The following TBC1D4 variants were observed in gnomAD, a reference collection of about 807,000 sequenced individuals.
TBC1D4 encodes the protein TBC (Tre-2, BUB2, CDC16) domain-containing protein.
TBC1D4 carries 121 observed loss-of-function variants against 142.5 expected under a neutral mutation model. The observed-to-expected ratio is 0.85, with a 90% confidence interval of 0.73 to 0.99. The LOEUF is 0.99. Among genes scored for constraint, TBC1D4 ranks in the 50% least tolerant of loss-of-function variants. The probability of loss-of-function intolerance (pLI) is 0.00; values close to 1 mark genes in which losing one functional copy is unlikely to be tolerated. For synonymous variants in TBC1D4, 630 were observed against 628.2 expected (o/e 1.00, Z -0.04); for missense variants, 1,475 against 1,606.6 (o/e 0.92, Z 1.40).
At chr13:75,460,154 TAAAAAAAAAA>T (rs71756436) in intron 1 of TBC1D4, among the ~76,000 whole-genome samples, 4,314 of 149,544 alleles carry the variant, frequency 0.029, 210 homozygotes, top group East Asian at 0.23. Flanking sequence ...AAAATAAAAA[TAAAAAAAAAA>T]AATAATAATA....
intron 1 of TBC1D4, among the ~76,000 whole-genome samples, chr13:75,447,584 G>A (rs555622675): frequency 3.3e-5 from 5 of 149,674 alleles, no homozygotes; most frequent in South Asian, 2.1e-4. Flanking sequence ...ACACATATAC[G>A]TATACTTTAT....
At chr13:75,290,510 C>A (rs1395603248) in intron 19 of TBC1D4, among the ~76,000 whole-genome samples, 1 of 152,098 alleles carries the variant, frequency 6.6e-6, no homozygotes, top group African/African-American at 2.4e-5. Context: ...GATTTCAAAT[C>A]TCTAAAAGCA....
chr13:75,399,617 G>A (rs897487763), intron 1 of TBC1D4, among the ~76,000 whole-genome samples: 6 of 152,162 alleles, frequency 3.9e-5, no homozygotes, highest in Non-Finnish European at 5.9e-5. Context: ...TGAGACTGCT[G>A]GGCATCTTGG....
chr13:75,364,743 T>C (rs1192609460), intron 1 of TBC1D4, among the ~76,000 whole-genome samples: 1 of 152,220 alleles, frequency 6.6e-6, no homozygotes, highest in Non-Finnish European at 1.5e-5. Flanking sequence ...TACTAAATAT[T>C]TTTAATCTGA....
chr13:75,301,222 T>C (rs1056787332), intron 16 of TBC1D4, among the ~76,000 whole-genome samples: 1 of 152,144 alleles, frequency 6.6e-6, no homozygotes, highest in Non-Finnish European at 1.5e-5. Context: ...TGCCAATATA[T>C]AATATTTAAT....
intron 1 of TBC1D4, among the ~76,000 whole-genome samples, chr13:75,365,199 A>C (rs1882834402): frequency 6.6e-6 from 1 of 152,220 alleles, no homozygotes; most frequent in South Asian, 2.1e-4. Context: ...AATCTTTAAT[A>C]ATTTAAGATG....
intron 15 of TBC1D4, among the ~76,000 whole-genome samples, chr13:75,305,851 C>G (rs1182674503): frequency 9.2e-5 from 14 of 151,984 alleles, no homozygotes; most frequent in Admixed American, 9.2e-4. Flanking sequence ...TAAATAAAAG[C>G]AACTTCTCCA....
chr13:75,380,369 AG>A (rs765403028), intron 1 of TBC1D4, among the ~76,000 whole-genome samples: 36 of 152,002 alleles, frequency 2.4e-4, no homozygotes, highest in Non-Finnish European at 5.2e-4. Flanking sequence ...GCTACTCGGG[AG>A]GCTAAGGCAA....
Position 75,358,465 on chromosome 13 carries a change from C to A in TBC1D4, c.1170+1304G>T, listed in dbSNP as rs556250761. 7.9e-5 allele frequency among the ~76,000 whole-genome samples: 12 copies of A among 152,160 alleles called. No individual in the cohort carries two copies. In the South Asian group the frequency reaches 2.3e-3, roughly 29 times the overall value. ...TCAGAGTAGAAAATTTTTATCTACACAATGTAATTTTATGTCTCCATATAA... is the reference window on the plus strand; with the variant it reads ...TCAGAGTAGAAAATTTTTATCTACAAAATGTAATTTTATGTCTCCATATAA... On this transcript the variant is annotated intron_variant, in intron 3 of 20. Coordinates refer to ENST00000377636, the MANE Select transcript of TBC1D4 (RefSeq NM_014832.5).
At chr13:75,351,689 C>A (rs1260753769) in intron 4 of TBC1D4, among the ~76,000 whole-genome samples, 1 of 150,796 alleles carries the variant, frequency 6.6e-6, no homozygotes, top group Non-Finnish European at 1.5e-5. Context: ...TTTGTCCTTG[C>A]AACAGTTTGC....
chr13:75,472,122 A>AAAAAG (rs1566515318), intron 1 of TBC1D4, among the ~76,000 whole-genome samples: 3 of 99,308 alleles, frequency 3.0e-5, no homozygotes, highest in African/African-American at 3.3e-5. Flanking sequence ...AAAAAAAAAA[A>AAAAAG]AAAAGAAAAG....
At chr13:75,418,206 C>G (rs185746673) in intron 1 of TBC1D4, among the ~76,000 whole-genome samples, 23 of 152,028 alleles carry the variant, frequency 1.5e-4, no homozygotes, top group Admixed American at 1.5e-3. Flanking sequence ...TTAACTCAGC[C>G]AGCAGGTGTT....
At chr13:75,304,629 G>A (rs1167651513) in intron 15 of TBC1D4, among the ~76,000 whole-genome samples, 1 of 152,126 alleles carries the variant, frequency 6.6e-6, no homozygotes, top group African/African-American at 2.4e-5. Flanking sequence ...GGTATTTGAG[G>A]GACCTGAGGG....
chr13:75,324,823 C>G lies in TBC1D4; in HGVS notation c.2034-422G>C, dbSNP rs565334872. ...GACTATTTTAAAGATATAAACCCTT[C>G]TAAATATTTAAGAACAACATGTTTG... is the stretch of plus-strand genomic sequence containing the variant. On this transcript the variant is annotated intron_variant, in intron 10 of 20. Coordinates refer to ENST00000377636, the MANE Select transcript of TBC1D4 (RefSeq NM_014832.5). Among the ~76,000 whole-genome samples the G allele has an allele frequency of 5.3e-5, 8 of 152,326 alleles. No individual in the cohort carries two copies. In the South Asian group the frequency reaches 1.7e-3, roughly 32 times the overall value.
At chr13:75,366,901 T>C in intron 1 of TBC1D4, 1 of 982,734 alleles carries the variant, frequency 1.0e-6, no homozygotes, top group Non-Finnish European at 1.2e-6. Context: ...GAAAAAGCAC[T>C]AAGGAAAGAT....
intron 1 of TBC1D4, among the ~76,000 whole-genome samples, chr13:75,448,963 T>C (rs1887412931): frequency 6.6e-6 from 1 of 151,984 alleles, no homozygotes; most frequent in African/African-American, 2.4e-5. Context: ...TCCTAAAATG[T>C]GAAAGTGACA....
chr13:75,462,979 C>A (rs1444699481), intron 1 of TBC1D4, among the ~76,000 whole-genome samples: 1 of 152,030 alleles, frequency 6.6e-6, no homozygotes, highest in African/African-American at 2.4e-5. Flanking sequence ...TAGAACACAA[C>A]CTTATGATTA....
chr13:75,432,942 A>G (rs1024520774), intron 1 of TBC1D4, among the ~76,000 whole-genome samples: 5 of 151,096 alleles, frequency 3.3e-5, no homozygotes, highest in Non-Finnish European at 1.5e-5. Context: ...ACTGACTCAA[A>G]AAAAAAAAAA....
chr13:75,476,524 G>T (rs867699423), intron 1 of TBC1D4, among the ~76,000 whole-genome samples: 2 of 152,160 alleles, frequency 1.3e-5, no homozygotes, highest in African/African-American at 2.4e-5. Context: ...TGGCTGAAAG[G>T]CAAAGTTTTC....
Sources: allele counts gnomAD v4.1 joint callset (sites outside exome capture counted in the v4.1 genomes callset), GRCh38; gene constraint gnomAD v4.1.1; transcripts MANE v1.5; gene names NCBI Gene and HGNC (gene_info 2026-07-23, HGNC 2026-07-21).